The following HABP2 variants were observed in gnomAD, a reference collection of about 807,000 sequenced individuals.
The protein encoded by HABP2 is factor VII-activating protease.
HABP2 carries 65 observed loss-of-function variants against 66.5 expected under a neutral mutation model. That is an observed-to-expected ratio of 0.98 (90% CI 0.80 to 1.20). The LOEUF is 1.20. Ranked by LOEUF, HABP2 falls within the 50% of genes most tolerant of loss-of-function variation. The probability of loss-of-function intolerance (pLI) is 0.00; values close to 1 mark genes in which losing one functional copy is unlikely to be tolerated. For missense variants in HABP2, 786 were observed against 691.0 expected (o/e 1.14, Z -1.54); for synonymous variants, 263 against 253.9 (o/e 1.04, Z -0.34).
At chr10:113,572,533 A>G in intron 2 of HABP2, 1 of 249,942 alleles carries the variant, frequency 4.0e-6, no homozygotes, top group Non-Finnish European at 8.1e-6. Context: ...TAACTAAGCA[A>G]TGCAATCAGC....
intron 2 of HABP2, chr10:113,572,721 G>C: frequency 2.2e-6 from 1 of 453,830 alleles, no homozygotes; most frequent in Non-Finnish European, 4.4e-6. Flanking sequence ...TGGATCCTCA[G>C]CCCTAAAAAG....
intron 1 of HABP2, among the ~76,000 whole-genome samples, chr10:113,553,459 C>T (rs1844935119): frequency 1.3e-5 from 2 of 152,220 alleles, no homozygotes; most frequent in African/African-American, 4.8e-5. Flanking sequence ...GAAAATGTGC[C>T]CCAGGGCATG....
intron 12 of HABP2, among the ~76,000 whole-genome samples, chr10:113,586,481 G>T (rs372123708): frequency 0.054 from 5,963 of 109,780 alleles, 466 homozygotes; most frequent in African/African-American, 0.13. Context: ...TGTGTGGGGG[G>T]GGGGGGGGTG....
At position 113,581,977 on chromosome 10, in the gene HABP2, A is replaced by C. The variant is rs758132092; in HGVS notation, c.940A>C (p.Ile314Leu). 1.2e-6 allele frequency: 2 copies of C among 1,614,220 alleles called. No individual in the cohort carries two copies. Among genetic ancestry groups the C allele is most frequent in the Non-Finnish European group, 1.7e-6 (2 of 1,180,020 alleles). ...GATAGCAGAGAGGAAGATCAAGAGA[A>C]TCTATGGAGGCTTTAAGAGCACGGC... is the stretch of plus-strand genomic sequence containing the variant. The part of the protein sequence containing the change: ...TEIAERKIKR[I>L]YGGFKSTAGK... Residue 314 changes from isoleucine to leucine, a missense_variant, in exon 9 of 13, where the codon ATC (isoleucine) becomes CTC (leucine). Physicochemically the swap from Ile to Leu is conservative, Grantham distance 5. Coordinates refer to ENST00000351270, the MANE Select transcript of HABP2 (RefSeq NM_004132.5).
At position 113,589,049 on chromosome 10, in the gene HABP2, G is replaced by T; in HGVS notation, c.*680G>T. Reference sequence around the variant, plus strand: ...TCTGGGTTCACCTCCCCACTCTGATGATCTCCAGCCTCCACTGCTTCTGCC... The same window carrying T: ...TCTGGGTTCACCTCCCCACTCTGATTATCTCCAGCCTCCACTGCTTCTGCC... On this transcript the variant is annotated 3_prime_UTR_variant, in exon 13 of 13. Coordinates refer to ENST00000351270, the MANE Select transcript of HABP2 (RefSeq NM_004132.5). 6.2e-7 allele frequency: 1 copy of T among 1,613,964 alleles called. No individual in the cohort carries two copies. The highest frequency in any genetic ancestry group is 8.5e-7 in the Non-Finnish European group (1 of 1,179,976).
At chr10:113,575,042 A>G (rs950825881) in intron 3 of HABP2, among the ~76,000 whole-genome samples, 1 of 94,308 alleles carries the variant, frequency 1.1e-5, no homozygotes, top group Non-Finnish European at 2.3e-5. Context: ...GAAAAGAAGA[A>G]GCTGGGTCCA....
intron 1 of HABP2, among the ~76,000 whole-genome samples, chr10:113,554,591 G>A (rs572519533): frequency 6.6e-6 from 1 of 152,260 alleles, no homozygotes; most frequent in Non-Finnish European, 1.5e-5. Context: ...TGGCTTGTTG[G>A]TGTCTGAGGC....
intron 8 of HABP2, 106 bp from the exon 9 acceptor site, chr10:113,581,769 TG>T: frequency 8.9e-7 from 1 of 1,118,378 alleles, no homozygotes; most frequent in Non-Finnish European, 1.3e-6. Flanking sequence ...CTCTCAGCTC[TG>T]GACCCCTGCT....
chr10:113,587,208 T>C (rs1845657219), intron 12 of HABP2, among the ~76,000 whole-genome samples: 1 of 152,168 alleles, frequency 6.6e-6, no homozygotes, highest in Admixed American at 6.5e-5. Context: ...TAGTCCCAGC[T>C]ACTGGGGCTG....
Position 113,588,428 on chromosome 10 carries a change from TC to T in HABP2, c.*60del. The T allele has an allele frequency of 7.2e-7, 1 of 1,386,596 alleles. No homozygotes were observed. The highest frequency in any genetic ancestry group is 1.3e-5 in the South Asian group (1 of 74,570). 85.9% of individuals were successfully genotyped at this position (1,386,596 alleles called of 1,614,324 possible). On this transcript the variant is annotated 3_prime_UTR_variant, in exon 13 of 13. Coordinates refer to ENST00000351270, the MANE Select transcript of HABP2 (RefSeq NM_004132.5). ...CTTGGCACCCTGACACCGGGAGGCC[TC>T]ATGGCCAACAATGGACACCTCCAGA...
chr10:113,581,692 C>T (rs376644709), intron 8 of HABP2, among the ~76,000 whole-genome samples, 184 bp from the exon 9 acceptor site: 3 of 152,208 alleles, frequency 2.0e-5, no homozygotes, highest in South Asian at 2.1e-4. Flanking sequence ...CTTTATGTTA[C>T]GCAATGTATT....
intron 7 of HABP2, among the ~76,000 whole-genome samples, chr10:113,579,873 C>G (rs905663103): frequency 6.6e-6 from 1 of 152,040 alleles, no homozygotes; most frequent in Non-Finnish European, 1.5e-5. Context: ...ACCTCTGCCT[C>G]TCAGGTTCAA....
intron 1 of HABP2, among the ~76,000 whole-genome samples, chr10:113,562,731 C>T (rs1277466954): frequency 6.6e-6 from 1 of 152,218 alleles, no homozygotes; most frequent in East Asian, 1.9e-4. Context: ...AGGCGTAAGC[C>T]ACTGCGCCCG....
intron 1 of HABP2, among the ~76,000 whole-genome samples, chr10:113,565,462 C>G (rs901433745): frequency 6.6e-6 from 1 of 152,180 alleles, no homozygotes. Flanking sequence ...GTACAGAGAT[C>G]ACATGGCAAG....
intron 1 of HABP2, among the ~76,000 whole-genome samples, chr10:113,556,874 A>G (rs1296382947): frequency 7.6e-6 from 1 of 131,514 alleles, no homozygotes; most frequent in Non-Finnish European, 1.5e-5. Context: ...TGAACTCCTG[A>G]CCTTAAGTGA....
rs2286745 is a variant in HABP2 at position 113,567,434 on chromosome 10, A to G, written c.70-55A>G. 472,111 of 1,378,492 alleles carry G rather than the reference A, an allele frequency of 0.34. 85,602 individuals carry two copies. Among genetic ancestry groups the G allele is most frequent in the Non-Finnish European group, 0.38 (366,970 of 966,284 alleles). 85.4% of individuals were successfully genotyped at this position (1,378,492 alleles called of 1,614,324 possible). On this transcript the variant is annotated intron_variant, in intron 1 of 12. Coordinates refer to ENST00000351270, the MANE Select transcript of HABP2 (RefSeq NM_004132.5). Reference sequence around the variant, plus strand: ...CTCCTCTGGCTGACAGCTAAGGAGCACGCCCGGCAGAGCTCCATCTCAACG... The same window carrying G: ...CTCCTCTGGCTGACAGCTAAGGAGCGCGCCCGGCAGAGCTCCATCTCAACG...
In HABP2 at chr10:113,589,133, C is replaced by A. The variant is rs1421073528; in HGVS notation, c.*764C>A. 2.7e-6 allele frequency: 4 copies of A among 1,470,448 alleles called. No homozygotes were observed. Among genetic ancestry groups the A allele is most frequent in the Non-Finnish European group, 3.8e-6 (4 of 1,055,888 alleles). 91.1% of individuals were successfully genotyped at this position (1,470,448 alleles called of 1,614,324 possible). A position where few individuals can be genotyped will look rare whatever the true frequency, so the allele number is the denominator to read the frequency against. On this transcript the variant is annotated 3_prime_UTR_variant, in exon 13 of 13. Transcript: ENST00000351270. The stretch of plus-strand genomic sequence containing the variant: ...AAATGAAGCTCCCCCACCCCCACTC[C>A]CGGCCCCGGTTCCCACAGGACACGC...
intron 12 of HABP2, 119 bp downstream of exon 12, chr10:113,586,057 A>G: frequency 1.2e-6 from 1 of 861,224 alleles, no homozygotes; most frequent in Non-Finnish European, 1.9e-6. Flanking sequence ...TGGTAAAGCT[A>G]AGACACAGGT....
Sources: gnomAD v4.1 joint callset for allele counts (sites outside exome capture counted in the v4.1 genomes callset) on GRCh38, gnomAD v4.1.1 for gene constraint, MANE v1.5 for transcripts, NCBI Gene and HGNC (gene_info 2026-07-23, HGNC 2026-07-21) for gene names.